RHOBTB1: variants seen among roughly 807,000 people sequenced by gnomAD.
The protein encoded by RHOBTB1 is Rho related BTB domain containing 1, also known as rho-related BTB domain-containing protein 1.
A neutral mutation model predicts 71.6 loss-of-function variants in RHOBTB1; 40 were observed. The ratio of observed to expected loss-of-function variants is 0.56; its 90% confidence interval spans 0.43 to 0.73. RHOBTB1 has a LOEUF of 0.73. Among genes scored for constraint, RHOBTB1 ranks in the 30% least tolerant of loss-of-function variants. The probability of loss-of-function intolerance (pLI) is 0.00; values close to 1 mark genes in which losing one functional copy is unlikely to be tolerated. For synonymous variants in RHOBTB1, 319 were observed against 334.9 expected (o/e 0.95, Z 0.52); for missense variants, 797 against 894.0 (o/e 0.89, Z 1.38).
intron 2 of RHOBTB1, among the ~76,000 whole-genome samples, chr10:60,914,273 A>G (rs939497942): frequency 1.3e-5 from 2 of 152,132 alleles, no homozygotes; most frequent in African/African-American, 4.8e-5. Context: ...TGCTTGTCTG[A>G]GGCATTTCTC....
rs2080770586 is a variant in RHOBTB1 at position 60,871,400 on chromosome 10, A to T, written c.*82T>A. 7.0e-7 allele frequency: 1 copy of T among 1,424,882 alleles called. No homozygotes were observed. 88.3% of individuals were successfully genotyped at this position (1,424,882 alleles called of 1,614,324 possible). A position where few individuals can be genotyped will look rare whatever the true frequency, so the allele number is the denominator to read the frequency against. ...TGAACTATGTCGTATCTCTAACAAG[A>T]CGAATTTTATAGTAGTGCTTTGAAA... is the stretch of plus-strand genomic sequence containing the variant. On this transcript the variant is annotated 3_prime_UTR_variant, in exon 11 of 11. Coordinates refer to ENST00000337910, the MANE Select transcript of RHOBTB1 (RefSeq NM_014836.5).
At chr10:60,960,290 G>A (rs1478916299) in intron 2 of RHOBTB1, among the ~76,000 whole-genome samples, 1 of 152,152 alleles carries the variant, frequency 6.6e-6, no homozygotes, top group East Asian at 1.9e-4. Context: ...TCCATAGAAT[G>A]TAATTAATGT....
intron 2 of RHOBTB1, among the ~76,000 whole-genome samples, chr10:60,968,243 TA>T (rs1335185506): frequency 1.3e-5 from 2 of 152,156 alleles, no homozygotes; most frequent in East Asian, 3.9e-4. Context: ...GAATGTCATT[TA>T]AAACCACAGA....
At chr10:60,864,035 C>T in the RHOBTB1 span, among the ~76,000 whole-genome samples, 4 of 152,158 alleles carry the variant, frequency 2.6e-5, no homozygotes, top group African/African-American at 9.7e-5. Flanking sequence ...TTCGACCACT[C>T]GTGCAGGAAT....
intron 1 of RHOBTB1, among the ~76,000 whole-genome samples, chr10:61,000,099 G>A (rs2087204611): frequency 6.6e-6 from 1 of 152,268 alleles, no homozygotes; most frequent in South Asian, 2.1e-4. Context: ...TAGAATTTTA[G>A]ACTCAGGAAG....
chr10:60,942,792 C>T (rs917644443), intron 1 of RHOBTB1, among the ~76,000 whole-genome samples: 1 of 152,108 alleles, frequency 6.6e-6, no homozygotes, highest in Non-Finnish European at 1.5e-5. Flanking sequence ...CAAACACAGC[C>T]TATTGACTAT....
chr10:60,917,170 G>A (rs541075828), intron 2 of RHOBTB1, among the ~76,000 whole-genome samples: 4 of 152,338 alleles, frequency 2.6e-5, no homozygotes, highest in East Asian at 1.9e-4. Flanking sequence ...AGAAACTAAC[G>A]TAGCACACTT....
At chr10:60,996,291 T>A (rs552590063) in intron 1 of RHOBTB1, among the ~76,000 whole-genome samples, 1 of 152,210 alleles carries the variant, frequency 6.6e-6, no homozygotes, top group African/African-American at 2.4e-5. Flanking sequence ...TTCTTTTTTT[T>A]ACCTGCCCAA....
chr10:60,880,749 C>T (rs1242941426), intron 7 of RHOBTB1, among the ~76,000 whole-genome samples: 1 of 152,102 alleles, frequency 6.6e-6, no homozygotes, highest in Non-Finnish European at 1.5e-5. Context: ...TCCCTTCAAC[C>T]AGCTGTATGT....
At chr10:60,894,092 AAC>A (rs2082051113) in intron 4 of RHOBTB1, among the ~76,000 whole-genome samples, 1 of 152,224 alleles carries the variant, frequency 6.6e-6, no homozygotes, top group African/African-American at 2.4e-5. Flanking sequence ...GATGAATCAA[AAC>A]ACCTTCCTTT....
intron 1 of RHOBTB1, among the ~76,000 whole-genome samples, chr10:60,996,140 G>A (rs548394515): frequency 6.6e-6 from 1 of 152,224 alleles, no homozygotes; most frequent in African/African-American, 2.4e-5. Flanking sequence ...GATTGACTCT[G>A]GAGCTTGGGC....
At chr10:60,988,443 T>C (rs2086744631) in intron 1 of RHOBTB1, among the ~76,000 whole-genome samples, 1 of 151,962 alleles carries the variant, frequency 6.6e-6, no homozygotes, top group African/African-American at 2.4e-5. Context: ...CTGGTAGTTG[T>C]TCAGCCCTTG....
intron 2 of RHOBTB1, among the ~76,000 whole-genome samples, chr10:60,959,353 A>G (rs1192627236): frequency 6.6e-6 from 1 of 152,186 alleles, no homozygotes; most frequent in East Asian, 1.9e-4. Context: ...AGCAAAATCC[A>G]GATATCTAAC....
Position 60,889,174 on chromosome 10 carries a change from C to T in RHOBTB1, c.494G>A (p.Arg165Lys), listed in dbSNP as rs748819845. ...TTTTTCTGGGGGCAAAATATCCCCT[C>T]TCTTTATGGGCCTGAAATAGAACAT... is the stretch of plus-strand genomic sequence containing the variant. The part of the protein sequence containing the change: ...ARRPLARPIK[R>K]GDILPPEKGR... The change falls in exon 6 of 11, where the codon AGA becomes AAA. Residue 165 changes from arginine (R) to lysine (K), a missense_variant. By Grantham distance (26) the Arg-to-Lys change is conservative. This residue lies in a region of RHOBTB1 where 658 missense variants were observed against 681.5 expected (regional missense o/e 0.97). Coordinates refer to ENST00000337910, the MANE Select transcript of RHOBTB1 (RefSeq NM_014836.5). 4.3e-6 allele frequency: 7 copies of T among 1,611,188 alleles called. No homozygotes were observed. The highest frequency in any genetic ancestry group is 1.1e-5 in the South Asian group (1 of 90,514).
At chr10:60,973,428 G>A (rs530989613) in intron 2 of RHOBTB1, among the ~76,000 whole-genome samples, 10 of 152,162 alleles carry the variant, frequency 6.6e-5, no homozygotes, top group Non-Finnish European at 1.3e-4. Context: ...AACTGTATTT[G>A]AGCCTTCTTA....
In RHOBTB1 at chr10:60,963,107, A is replaced by C. The variant is rs2134550804; in HGVS notation, c.-61-21253T>G. On this transcript the variant is annotated intron_variant, in intron 2 of 11. Coordinates refer to the RHOBTB1 transcript ENST00000357917. ...TGCAACCAAAGCAATCTTCATAAAC[A>C]AGTGATCACATAAACAAACCACACC... Among the ~76,000 whole-genome samples the C allele has an allele frequency of 2.6e-5, 4 of 152,266 alleles. 1 individual carries two copies. In the South Asian group the frequency reaches 8.3e-4, roughly 32 times the overall value.
intron 1 of RHOBTB1, among the ~76,000 whole-genome samples, chr10:60,987,901 G>A (rs1381672482): frequency 1.5e-4 from 21 of 138,112 alleles, no homozygotes; most frequent in African/African-American, 5.8e-4. Context: ...GTAGCTGTCT[G>A]CTGTCTGAAA....
chr10:60,875,982 A>G (rs1237163280), intron 8 of RHOBTB1, among the ~76,000 whole-genome samples: 1 of 152,210 alleles, frequency 6.6e-6, no homozygotes, highest in East Asian at 1.9e-4. Flanking sequence ...TGTCCAAATC[A>G]TGCTTACTTT....
intron 7 of RHOBTB1, among the ~76,000 whole-genome samples, chr10:60,883,675 G>A (rs1316474388): frequency 6.6e-6 from 1 of 152,240 alleles, no homozygotes; most frequent in Non-Finnish European, 1.5e-5. Flanking sequence ...GCTTTTTTCT[G>A]GATACAAGAG....
Sources: allele counts gnomAD v4.1 joint callset (sites outside exome capture counted in the v4.1 genomes callset), GRCh38; gene constraint gnomAD v4.1.1; regional missense constraint gnomAD v4.1.1; transcripts MANE v1.5; gene names NCBI Gene and HGNC (gene_info 2026-07-23, HGNC 2026-07-21).